Variants in DYSF observed in about 807,000 individuals in gnomAD.
DYSF encodes dysferlin, also known as dystrophy-associated fer-1-like 1.
A neutral mutation model predicts 274.9 loss-of-function variants in DYSF; 212 were observed. The ratio of observed to expected loss-of-function variants is 0.77; its 90% CI spans 0.69 to 0.86. DYSF has a LOEUF of 0.86. DYSF is among the 40% of genes least tolerant of loss of function. DYSF has a pLI of 0.00. For missense variants in DYSF, 2,666 were observed against 2,783.2 expected (o/e 0.96, Z 0.95); for synonymous variants, 1,091 against 1,078.7 (o/e 1.01, Z -0.22).
chr2:71,680,529 A>G (rs141254263), intron 53 of DYSF, among the ~76,000 whole-genome samples: 1 of 152,336 alleles, frequency 6.6e-6, no homozygotes, highest in Non-Finnish European at 1.5e-5. Flanking sequence ...TTGCAGCATT[A>G]TTTACCCTAT....
At chr2:71,558,449 C>T (rs188881352) in intron 22 of DYSF, among the ~76,000 whole-genome samples, 19 of 152,246 alleles carry the variant, frequency 1.2e-4, no homozygotes, top group East Asian at 1.2e-3. Context: ...AGGGCATCCC[C>T]GGGGCCCCAG....
At chr2:71,499,924 G>T (rs1280041872) in intron 3 of DYSF, among the ~76,000 whole-genome samples, 3 of 152,130 alleles carry the variant, frequency 2.0e-5, no homozygotes, top group Non-Finnish European at 4.4e-5. Context: ...CTCATAGCTG[G>T]CCCTGTGCAG....
chr2:71,466,993 T>C lies in DYSF; in HGVS notation c.91+60T>C, dbSNP rs904663328. ...GTGCTACCCGACTCTCGGCGCTCACTGGCGGGTCTGAAGCCCCTGCTCCGG... is the reference window on the plus strand; with the variant it reads ...GTGCTACCCGACTCTCGGCGCTCACCGGCGGGTCTGAAGCCCCTGCTCCGG... On this transcript the variant is annotated intron_variant, in intron 1 of 55. Transcript: ENST00000410020. 1.1e-5 allele frequency: 17 copies of C among 1,531,164 alleles called. No individual in the cohort carries two copies. The African/African-American group carries it at 2.1e-4, about 19-fold the overall frequency. The allele number at this position is 1,531,164 out of a possible 1,614,324, so 94.8% of individuals were successfully genotyped here.
intron 30 of DYSF, among the ~76,000 whole-genome samples, chr2:71,587,351 C>G (rs533263881): frequency 6.6e-6 from 1 of 152,338 alleles, no homozygotes; most frequent in East Asian, 1.9e-4. Flanking sequence ...CAAACCACCA[C>G]TGCCTGGAGG....
rs1574058921 is a variant in DYSF at position 71,570,257 on chromosome 2, A to G, written c.3008A>G (p.Asp1003Gly). The G allele has an allele frequency of 1.2e-6, 2 of 1,614,010 alleles. No individual in the cohort carries two copies. The highest frequency in any genetic ancestry group is 8.5e-7 in the Non-Finnish European group (1 of 1,180,024). ...VNGEKVLPKD[D>G]IECPLGWKWE... ...GGGGAGAAGGTGCTTCCCAAGGATG[A>G]CATTGAGTGCCCACTGGGCTGGAAG... The change falls in exon 28 of 56, where the codon GAC (aspartate) becomes GGC (glycine). Residue 1003 changes from aspartate to glycine, a missense_variant. Physicochemically the swap from Asp to Gly is moderately conservative, Grantham distance 94. This residue lies in a region of DYSF where 1,460 missense variants were observed against 1,502.1 expected (regional missense o/e 0.97). Coordinates refer to ENST00000410020, the MANE Select transcript of DYSF (RefSeq NM_001130987.2).
At chr2:71,594,238 C>T (rs770892628) in intron 32 of DYSF, among the ~76,000 whole-genome samples, 1 of 152,178 alleles carries the variant, frequency 6.6e-6, no homozygotes, top group Non-Finnish European at 1.5e-5. Context: ...CTCCAGTCTT[C>T]CTTCCCAACC....
intron 17 of DYSF, among the ~76,000 whole-genome samples, chr2:71,544,408 G>C (rs1173239066): frequency 6.6e-6 from 1 of 151,110 alleles, no homozygotes; most frequent in African/African-American, 2.4e-5. Context: ...ACCTCTAGGA[G>C]TTCTTCTCCT....
chr2:71,568,083 G>A lies in DYSF; in HGVS notation c.2697+1G>A, dbSNP rs140108514. 7.5e-5 allele frequency: 121 copies of A among 1,614,068 alleles called. No individual in the cohort carries two copies. The African/African-American group carries it at 1.3e-3, about 18-fold the overall frequency. On this transcript the variant is annotated splice_donor_variant, in intron 25 of 55. Coordinates refer to ENST00000410020, the MANE Select transcript of DYSF (RefSeq NM_001130987.2). LOFTEE classifies it high-confidence loss of function. The stretch of plus-strand genomic sequence containing the variant: ...GAAGCTGTCTGTCTTTGCTGAAACC[G>A]TGAGTACCTGCCAGCCCCCACCTCT...
At chr2:71,646,383 G>C (rs1333801255) in intron 42 of DYSF, among the ~76,000 whole-genome samples, 1 of 152,202 alleles carries the variant, frequency 6.6e-6, no homozygotes, top group Admixed American at 6.5e-5. Context: ...TTGACCTCTG[G>C]AGGAGGTCTC....
chr2:71,471,687 G>C (rs568635544), intron 1 of DYSF, among the ~76,000 whole-genome samples: 1 of 152,036 alleles, frequency 6.6e-6, no homozygotes, highest in East Asian at 1.9e-4. Flanking sequence ...ATAAACCAGG[G>C]GGCCGGGTGT....
chr2:71,484,453 C>A (rs1267130224), intron 3 of DYSF, among the ~76,000 whole-genome samples: 2 of 152,184 alleles, frequency 1.3e-5, no homozygotes, highest in Non-Finnish European at 2.9e-5. Context: ...TAATGTATAA[C>A]AATCAAGTCA....
intron 12 of DYSF, among the ~76,000 whole-genome samples, chr2:71,522,898 T>G (rs745754514): frequency 1.3e-5 from 2 of 152,116 alleles, no homozygotes; most frequent in Non-Finnish European, 2.9e-5. Context: ...GCCAGTCTTG[T>G]TGGTGGAAAA....
At chr2:71,464,237 T>C (rs1464974579), upstream of DYSF, among the ~76,000 whole-genome samples, 2 of 152,206 alleles carry the variant, frequency 1.3e-5, no homozygotes, top group Non-Finnish European at 2.9e-5. Context: ...GTCCATCATT[T>C]AGAAAGAATT....
chr2:71,497,893 C>T (rs116725953), intron 3 of DYSF, among the ~76,000 whole-genome samples: 2 of 152,288 alleles, frequency 1.3e-5, no homozygotes, highest in East Asian at 3.9e-4. Flanking sequence ...GAATCTATAA[C>T]TAAAACTAAG....
chr2:71,554,647 G>A (rs1389477282), intron 21 of DYSF, among the ~76,000 whole-genome samples: 1 of 152,222 alleles, frequency 6.6e-6, no homozygotes, highest in Non-Finnish European at 1.5e-5. Context: ...ACAAGGCCTT[G>A]GTGGCCGACT....
intron 3 of DYSF, among the ~76,000 whole-genome samples, chr2:71,498,192 T>A (rs926005969): frequency 1.3e-5 from 2 of 152,266 alleles, no homozygotes; most frequent in Non-Finnish European, 2.9e-5. Flanking sequence ...TGGGCTTTTG[T>A]TACATTCCAG....
rs931174858 is a variant in DYSF, at chr2:71,466,897, C to T, written c.55C>T (p.Arg19Trp). The T allele has an allele frequency of 4.9e-5, 76 of 1,549,948 alleles. No homozygotes were observed. The highest frequency in any genetic ancestry group is 6.5e-5 in the Non-Finnish European group (74 of 1,145,908). The change falls in exon 1 of 56, where the codon CGG (arginine) becomes TGG (tryptophan). Residue 19 changes from arginine to tryptophan, a missense_variant. Arg to Trp is a moderately radical substitution (Grantham distance 101). Transcript: ENST00000410020. The part of the protein sequence containing the change: ...ASNLPSAKKD[R>W]RSDPVASLTF... ...CAACCTCCCCAGTGCGAAGAAGGAC[C>T]GGCGCAGCGACCCTGTCGCAAGCCT...
chr2:71,672,823 C>G (rs879809211), intron 51 of DYSF, among the ~76,000 whole-genome samples: 3 of 152,176 alleles, frequency 2.0e-5, no homozygotes, highest in Non-Finnish European at 4.4e-5. Context: ...GGCTGGGGCC[C>G]GGAAAAGGGG....
chr2:71,599,506 T>C lies in DYSF; in HGVS notation c.3756+761T>C, dbSNP rs80313385. On this transcript the variant is annotated intron_variant, in intron 33 of 55. Transcript: ENST00000410020. ...ATGGGCTGGAATGTCAGGAAAGCCT[T>C]TGGGAAAGACCCAGGCCCTGGAGGA... Among the ~76,000 whole-genome samples, 1,182 of 152,180 alleles carry C rather than the reference T, an allele frequency of 7.8e-3. 21 individuals are homozygous for C. Among genetic ancestry groups the C allele is most frequent in the African/African-American group, 0.027 (1,116 of 41,516 alleles).
Sources: allele counts gnomAD v4.1 joint callset (sites outside exome capture counted in the v4.1 genomes callset), GRCh38; gene constraint gnomAD v4.1.1; regional missense constraint gnomAD v4.1.1; transcripts MANE v1.5; gene names NCBI Gene and HGNC (gene_info 2026-07-23, HGNC 2026-07-21).